The following CNTNAP2 variants were observed in gnomAD, a reference collection of about 807,000 sequenced individuals.
CNTNAP2 encodes the protein contactin-associated protein-like 2.
CNTNAP2 carries 98 observed loss-of-function variants against 155.2 expected under a neutral mutation model. That is an observed-to-expected ratio of 0.63 (90% CI 0.54 to 0.75). The LOEUF is 0.75. CNTNAP2 is among the 30% of genes least tolerant of loss of function. The pLI, the probability that CNTNAP2 is intolerant of heterozygous loss-of-function variation, is 0.00. For missense variants in CNTNAP2, 1,727 were observed against 1,688.1 expected, an observed-to-expected ratio of 1.02 and a Z score of -0.40; for synonymous variants, 651 against 631.2, an observed-to-expected ratio of 1.03 and a Z score of -0.47.
At chr7:148,316,970 C>T (rs945156419) in intron 21 of CNTNAP2, among the ~76,000 whole-genome samples, 9 of 152,302 alleles carry the variant, frequency 5.9e-5, no homozygotes, top group African/African-American at 1.9e-4. Context: ...TGAAGCCCCA[C>T]GGGGTCATTA....
At chr7:147,318,212 T>G (rs1220270461) in intron 9 of CNTNAP2, among the ~76,000 whole-genome samples, 1 of 152,046 alleles carries the variant, frequency 6.6e-6, no homozygotes, top group Non-Finnish European at 1.5e-5. Context: ...GAAGCTGAGG[T>G]AGGAGAATCA....
intron 1 of CNTNAP2, among the ~76,000 whole-genome samples, chr7:146,620,976 A>G (rs1799306930): frequency 6.6e-6 from 1 of 152,192 alleles, no homozygotes; most frequent in Non-Finnish European, 1.5e-5. Flanking sequence ...TTCTCCATTA[A>G]TTATATCATC....
chr7:146,587,684 T>G (rs948105821), intron 1 of CNTNAP2, among the ~76,000 whole-genome samples: 5 of 152,110 alleles, frequency 3.3e-5, no homozygotes, highest in African/African-American at 7.2e-5. Context: ...TTTTTCATTT[T>G]TTTTTGAGAC....
chr7:146,668,632 C>G (rs1250300750), intron 1 of CNTNAP2, among the ~76,000 whole-genome samples: 1 of 151,996 alleles, frequency 6.6e-6, no homozygotes, highest in Admixed American at 6.6e-5. Flanking sequence ...CAGTTAAGTA[C>G]TTTTCTTTTT....
rs1022847249 is a variant in CNTNAP2 at position 147,490,755 on chromosome 7, C to A, written c.1777+4714C>A. 7.2e-5 allele frequency among the ~76,000 whole-genome samples: 11 copies of A among 152,146 alleles called. No individual in the cohort carries two copies. In the East Asian group the frequency reaches 2.1e-3, roughly 30 times the overall value. On this transcript the variant is annotated intron_variant, in intron 11 of 23. Transcript: ENST00000361727. Reference sequence around the variant, plus strand: ...GTTCTCACACTGCTATAAAGTAATACCAGAGACTGGATAATTTAGAAAGAA... The same window carrying A: ...GTTCTCACACTGCTATAAAGTAATAACAGAGACTGGATAATTTAGAAAGAA...
chr7:148,410,037 C>T (rs143818986), intron 23 of CNTNAP2, among the ~76,000 whole-genome samples: 1 of 37,402 alleles, frequency 2.7e-5, no homozygotes, highest in Non-Finnish European at 4.7e-5. Context: ...GGCTAAAGAG[C>T]GGGACTCCGT....
At chr7:147,435,345 T>C (rs573945094) in intron 10 of CNTNAP2, among the ~76,000 whole-genome samples, 12 of 152,238 alleles carry the variant, frequency 7.9e-5, no homozygotes, top group African/African-American at 2.6e-4. Context: ...AGACCGGTGA[T>C]TCTGGAACTT....
chr7:146,555,540 A>G lies in CNTNAP2; in HGVS notation c.98-218731A>G, dbSNP rs802014. Among the ~76,000 whole-genome samples, 799 of 150,670 alleles carry G rather than the reference A, an allele frequency of 5.3e-3. 8 individuals carry two copies. The highest frequency in any genetic ancestry group is 0.018 in the African/African-American group (742 of 41,066). On this transcript the variant is annotated intron_variant, in intron 1 of 23. Transcript: ENST00000361727. ...TATCTATCTATCTATCTATCTATCTATGCGATATCTATCACTTTTCAACAC... is the reference window on the plus strand; with the variant it reads ...TATCTATCTATCTATCTATCTATCTGTGCGATATCTATCACTTTTCAACAC...
intron 13 of CNTNAP2, among the ~76,000 whole-genome samples, chr7:147,751,392 T>C (rs1466766147): frequency 1.7e-5 from 1 of 59,280 alleles, no homozygotes; most frequent in African/African-American, 3.4e-5. Flanking sequence ...AGGATGAATT[T>C]AGTTAAAAAA....
chr7:148,351,744 C>CAAAAAAAAAATAAAAAAAAAA (rs1798430479), intron 21 of CNTNAP2, among the ~76,000 whole-genome samples: 1 of 85,396 alleles, frequency 1.2e-5, no homozygotes, highest in Non-Finnish European at 2.1e-5. Flanking sequence ...CTCTGTCTCA[C>CAAAAAAAAAATAAAAAAAAAA]AAAAAAAAAA....
intron 1 of CNTNAP2, among the ~76,000 whole-genome samples, chr7:146,405,312 A>G (rs1795775268): frequency 6.6e-6 from 1 of 152,194 alleles, no homozygotes; most frequent in Non-Finnish European, 1.5e-5. Context: ...CCTGACTGAA[A>G]GAATCCTTAC....
At chr7:148,026,295 A>AT (rs932293420) in intron 15 of CNTNAP2, among the ~76,000 whole-genome samples, 1 of 151,338 alleles carries the variant, frequency 6.6e-6, no homozygotes, top group Admixed American at 6.6e-5. Flanking sequence ...CAAAAAAAAA[A>AT]TTTTTTTTAA....
Position 147,426,957 on chromosome 7 carries a change from T to C in CNTNAP2, c.1670+31177T>C, listed in dbSNP as rs1016371269. Among the ~76,000 whole-genome samples, 4 of 152,166 alleles carry C rather than the reference T, an allele frequency of 2.6e-5. No individual in the cohort carries two copies. In the East Asian group the frequency reaches 5.8e-4, roughly 22 times the overall value. ...CAACTGTCTCAGTCCATTTGTGTTG[T>C]TATAACAAAATACCACAGACTAGGT... On this transcript the variant is annotated intron_variant, in intron 10 of 23. Transcript: ENST00000361727.
intron 1 of CNTNAP2, among the ~76,000 whole-genome samples, chr7:146,371,097 A>G (rs931233789): frequency 6.6e-6 from 1 of 152,032 alleles, no homozygotes; most frequent in East Asian, 1.9e-4. Context: ...AATTTTCTAT[A>G]TAGCTAATCA....
At chr7:148,053,889 A>G (rs1262441096) in intron 15 of CNTNAP2, among the ~76,000 whole-genome samples, 1 of 151,674 alleles carries the variant, frequency 6.6e-6, no homozygotes, top group African/African-American at 2.4e-5. Context: ...TCTGTGATGT[A>G]TCGTTGCAGC....
At chr7:147,219,421 A>G (rs1389050813) in intron 8 of CNTNAP2, among the ~76,000 whole-genome samples, 1 of 152,294 alleles carries the variant, frequency 6.6e-6, no homozygotes, top group South Asian at 2.1e-4. Context: ...GTCTAAGTCC[A>G]AGAGTCCAAA....
intron 1 of CNTNAP2, among the ~76,000 whole-genome samples, chr7:146,411,790 C>T (rs1399237767): frequency 6.7e-6 from 1 of 150,312 alleles, no homozygotes; most frequent in Non-Finnish European, 1.5e-5. Context: ...ACATGATCAA[C>T]ATTGTTATTT....
chr7:147,216,553 TAAACTTATTTACA>T (rs75300546), intron 8 of CNTNAP2, among the ~76,000 whole-genome samples: 81,989 of 151,684 alleles, frequency 0.54, 22,840 homozygotes, highest in African/African-American at 0.62. Flanking sequence ...CACTAAACAC[TAAACTTATTTACA>T]GTCTTATTTA....
intron 13 of CNTNAP2, among the ~76,000 whole-genome samples, chr7:147,769,789 C>T (rs1482832696): frequency 6.6e-6 from 1 of 152,106 alleles, no homozygotes; most frequent in Non-Finnish European, 1.5e-5. Context: ...AATAGACTAA[C>T]ACTGGGAGAG....
Sources: allele counts gnomAD v4.1 joint callset (sites outside exome capture counted in the v4.1 genomes callset), GRCh38; gene constraint gnomAD v4.1.1; transcripts MANE v1.5; gene names NCBI Gene and HGNC (gene_info 2026-07-23, HGNC 2026-07-21).